GABBR2: variants seen among roughly 807,000 people sequenced by gnomAD.
GABBR2 encodes the protein G-protein coupled receptor 51.
Under a neutral mutation model 105.6 loss-of-function variants are expected in GABBR2, and 23 were observed. The observed-to-expected ratio is 0.22, with a 90% CI of 0.16 to 0.31. The LOEUF is 0.31. Ranked by LOEUF, GABBR2 falls within the 10% of genes least tolerant of loss-of-function variation. The pLI is 1.00. For synonymous variants in GABBR2, 478 were observed against 499.7 expected (o/e 0.96, Z 0.58); for missense variants, 734 against 1,245.5 (o/e 0.59, Z 6.18).
At chr9:98,647,513 T>C (rs1588267685) in intron 1 of GABBR2, among the ~76,000 whole-genome samples, 1 of 152,178 alleles carries the variant, frequency 6.6e-6, no homozygotes, top group Non-Finnish European at 1.5e-5. Flanking sequence ...TCCATAAGGC[T>C]CTGACTCTCC....
intron 1 of GABBR2, among the ~76,000 whole-genome samples, chr9:98,691,342 C>T (rs1054532034): frequency 2.6e-5 from 4 of 152,144 alleles, no homozygotes; most frequent in Admixed American, 6.5e-5. Context: ...ATGACAGGCT[C>T]GATGAGTTAC....
At position 98,388,799 on chromosome 9, in the gene GABBR2, C is replaced by T. The variant is rs1277299037; in HGVS notation, c.1529+55G>A. 6.9e-7 allele frequency: 1 copy of T among 1,456,120 alleles called. No individual in the cohort carries two copies. Among genetic ancestry groups the T allele is most frequent in the Non-Finnish European group, 9.5e-7 (1 of 1,048,002 alleles). 90.2% of individuals were successfully genotyped at this position (1,456,120 alleles called of 1,614,324 possible). On this transcript the variant is annotated intron_variant, in intron 10 of 18. Coordinates refer to ENST00000259455, the MANE Select transcript of GABBR2 (RefSeq NM_005458.8). This position sits in a 1 kb window ranked among gnomAD's most constrained non-coding sequence, Gnocchi z 4.4. The stretch of plus-strand genomic sequence containing the variant: ...TCATGTGGCACTCCTATACTGTGTC[C>T]ATAGGCTTGTCAATTTAGAAAGTGA...
At chr9:98,385,824 C>T in intron 10 of GABBR2, 52 bp from the exon 11 acceptor site, 2 of 1,445,860 alleles carry the variant, frequency 1.4e-6, no homozygotes, top group South Asian at 2.3e-5. Flanking sequence ...TTTAGTTATT[C>T]CTTCAACAGG....
At chr9:98,418,541 CAA>C (rs1354157216) in intron 7 of GABBR2, among the ~76,000 whole-genome samples, 1 of 151,174 alleles carries the variant, frequency 6.6e-6, no homozygotes, top group African/African-American at 2.4e-5. Flanking sequence ...TCTCAAACAA[CAA>C]CAACAACAAC....
At chr9:98,690,976 A>G (rs2131878357) in intron 1 of GABBR2, among the ~76,000 whole-genome samples, 1 of 152,354 alleles carries the variant, frequency 6.6e-6, no homozygotes. Flanking sequence ...AGCACAGATC[A>G]CTGCTACTCA....
intron 17 of GABBR2, among the ~76,000 whole-genome samples, chr9:98,295,001 T>C (rs555955724): frequency 2.0e-5 from 3 of 152,330 alleles, no homozygotes; most frequent in Admixed American, 1.3e-4. Context: ...ATTCATGTGG[T>C]CTGGAGGGGT....
intron 3 of GABBR2, among the ~76,000 whole-genome samples, chr9:98,510,852 G>T (rs1198272434): frequency 6.6e-6 from 1 of 151,826 alleles, no homozygotes; most frequent in Non-Finnish European, 1.5e-5. Flanking sequence ...GTCAACATTA[G>T]AAAGATCAAC....
At chr9:98,647,447 T>G (rs540113250) in intron 1 of GABBR2, among the ~76,000 whole-genome samples, 1 of 152,340 alleles carries the variant, frequency 6.6e-6, no homozygotes, top group East Asian at 1.9e-4. Flanking sequence ...TGGAAACAGA[T>G]GGCCTCAAGT....
At chr9:98,350,867 A>G (rs4743214) in intron 13 of GABBR2, among the ~76,000 whole-genome samples, 99,292 of 151,938 alleles carry the variant, frequency 0.65, 33,159 homozygotes, top group Admixed American at 0.74. Context: ...ATTATATTGG[A>G]GTCTACCTCT....
intron 13 of GABBR2, among the ~76,000 whole-genome samples, chr9:98,340,198 T>C (rs78394218): frequency 6.6e-6 from 1 of 150,694 alleles, no homozygotes; most frequent in Admixed American, 6.6e-5. Context: ...TTTTTTTTTT[T>C]TGTTACTACA....
chr9:98,694,597 T>C (rs572813557), intron 1 of GABBR2, among the ~76,000 whole-genome samples: 28 of 152,244 alleles, frequency 1.8e-4, no homozygotes, highest in Non-Finnish European at 3.2e-4. Flanking sequence ...ATGTCTTCTA[T>C]AAAGATGTTA....
At chr9:98,422,496 C>CTGTGTGTGTG (rs370880704) in intron 7 of GABBR2, among the ~76,000 whole-genome samples, 3,379 of 146,430 alleles carry the variant, frequency 0.023, 43 homozygotes, top group Non-Finnish European at 0.032. Context: ...CTTAATGCAC[C>CTGTGTGTGTG]TGTGTGTGTG....
intron 9 of GABBR2, among the ~76,000 whole-genome samples, chr9:98,391,296 C>A (rs976868922): frequency 6.6e-6 from 1 of 152,292 alleles, no homozygotes; most frequent in Non-Finnish European, 1.5e-5. Flanking sequence ...CCACTTGATC[C>A]ACCCAACAGC....
At chr9:98,682,695 A>T (rs1212501544) in intron 1 of GABBR2, among the ~76,000 whole-genome samples, 1 of 151,984 alleles carries the variant, frequency 6.6e-6, no homozygotes, top group Non-Finnish European at 1.5e-5. Context: ...TACCAATCTT[A>T]ATACATAAAG....
At chr9:98,297,859 T>TAA (rs145636576) in intron 17 of GABBR2, among the ~76,000 whole-genome samples, 164 of 139,258 alleles carry the variant, frequency 1.2e-3, no homozygotes, top group African/African-American at 3.6e-3. Context: ...CTGTCTCTAC[T>TAA]AAAAAAAAAA....
chr9:98,295,162 T>C (rs1459806488), intron 17 of GABBR2, among the ~76,000 whole-genome samples: 1 of 152,276 alleles, frequency 6.6e-6, no homozygotes, highest in Non-Finnish European at 1.5e-5. Context: ...ATTTCAATGC[T>C]TTTGTGGTCA....
chr9:98,534,429 C>T (rs1487180789), intron 3 of GABBR2, among the ~76,000 whole-genome samples: 3 of 152,158 alleles, frequency 2.0e-5, no homozygotes, highest in South Asian at 2.1e-4. Flanking sequence ...GGGCCAGCCA[C>T]GGGCTAAGGA....
chr9:98,370,021 C>T (rs528046448), intron 12 of GABBR2, among the ~76,000 whole-genome samples: 63 of 152,104 alleles, frequency 4.1e-4, no homozygotes, highest in African/African-American at 1.4e-3. Flanking sequence ...GTGTCCGACT[C>T]CTGCTTGAGA....
chr9:98,297,587 T>C (rs1163721707), intron 17 of GABBR2, among the ~76,000 whole-genome samples: 2 of 151,878 alleles, frequency 1.3e-5, no homozygotes, highest in Admixed American at 6.6e-5. Flanking sequence ...CACTCCAGCC[T>C]GGGCAACAAG....
Sources: gnomAD v4.1 joint callset for allele counts (sites outside exome capture counted in the v4.1 genomes callset) on GRCh38, gnomAD v4.1.1 for gene constraint, Gnocchi (gnomAD v3.1) non-coding constraint, MANE v1.5 for transcripts, NCBI Gene and HGNC (gene_info 2026-07-23, HGNC 2026-07-21) for gene names.